The following RASGEF1C variants were observed in gnomAD, a reference collection of about 807,000 sequenced individuals.
The protein encoded by RASGEF1C is ras-GEF domain-containing family member 1C.
In RASGEF1C, 27 loss-of-function variants were observed where a neutral mutation model predicts 58.1. The ratio of observed to expected loss-of-function variants is 0.46; its 90% CI spans 0.34 to 0.64. The LOEUF is 0.64. Among genes scored for constraint, RASGEF1C ranks in the 30% least tolerant of loss-of-function variants. RASGEF1C has a pLI of 0.01. For synonymous variants in RASGEF1C, 243 were observed against 246.3 expected (o/e 0.99, Z 0.13); for missense variants, 502 against 605.1 (o/e 0.83, Z 1.79).
chr5:180,142,306 G>A (rs1561741931), intron 1 of RASGEF1C, among the ~76,000 whole-genome samples: 1 of 152,140 alleles, frequency 6.6e-6, no homozygotes, highest in Admixed American at 6.6e-5. Flanking sequence ...TTAATTAAAT[G>A]CCCAGTGCTG....
chr5:180,171,163 G>T (rs1206429598), intron 1 of RASGEF1C, among the ~76,000 whole-genome samples: 1 of 152,160 alleles, frequency 6.6e-6, no homozygotes, highest in East Asian at 1.9e-4. Flanking sequence ...ATCTTCAGGG[G>T]GAAGGAGCCA....
At chr5:180,166,347 G>A (rs1767020134) in intron 1 of RASGEF1C, among the ~76,000 whole-genome samples, 1 of 152,108 alleles carries the variant, frequency 6.6e-6, no homozygotes, top group African/African-American at 2.4e-5. Flanking sequence ...TACTGTCTCT[G>A]TTGCTCTTCC....
intron 5 of RASGEF1C, 68 bp from the exon 6 acceptor site, chr5:180,127,751 T>C: frequency 7.0e-7 from 1 of 1,426,546 alleles, no homozygotes. Flanking sequence ...CTGGGGGGCC[T>C]GCCGTGGTGC....
intron 4 of RASGEF1C, among the ~76,000 whole-genome samples, chr5:180,132,539 G>A (rs752816314): frequency 2.0e-5 from 3 of 152,226 alleles, no homozygotes; most frequent in Non-Finnish European, 2.9e-5. Flanking sequence ...GAAAGCCGAC[G>A]CAGGAGCTCG....
chr5:180,136,808 C>T (rs1323660359), intron 3 of RASGEF1C: 5 of 434,156 alleles, frequency 1.2e-5, no homozygotes, highest in African/African-American at 4.1e-5. Flanking sequence ...GAGCAGGGGA[C>T]CCTGCCCCAG....
At chr5:180,195,706 G>A (rs1756260612) in intron 1 of RASGEF1C, among the ~76,000 whole-genome samples, 2 of 150,372 alleles carry the variant, frequency 1.3e-5, no homozygotes, top group South Asian at 4.2e-4. Context: ...AGCTTGCAGT[G>A]AGCCGAGATC....
At chr5:180,195,571 G>A (rs996252885) in intron 1 of RASGEF1C, among the ~76,000 whole-genome samples, 3 of 151,700 alleles carry the variant, frequency 2.0e-5, no homozygotes, top group African/African-American at 4.8e-5. Flanking sequence ...CCAGCCTGGC[G>A]AACATGGTGA....
chr5:180,208,336 C>G (rs1561762327), intron 1 of RASGEF1C, among the ~76,000 whole-genome samples: 1 of 152,178 alleles, frequency 6.6e-6, no homozygotes, highest in Non-Finnish European at 1.5e-5. Flanking sequence ...CCAGCTCTGT[C>G]TTTCCCACAG....
chr5:180,147,675 T>C (rs1766677294), intron 1 of RASGEF1C, among the ~76,000 whole-genome samples: 1 of 152,332 alleles, frequency 6.6e-6, no homozygotes, highest in East Asian at 1.9e-4. Flanking sequence ...TCATATGATA[T>C]CTCTCTTTTA....
intron 1 of RASGEF1C, among the ~76,000 whole-genome samples, chr5:180,180,801 G>A (rs1158644193): frequency 6.6e-6 from 1 of 152,210 alleles, no homozygotes; most frequent in African/African-American, 2.4e-5. Flanking sequence ...TGAGATCTCC[G>A]AAGTGAACCA....
At chr5:180,139,789 G>A (rs1010532186) in intron 1 of RASGEF1C, among the ~76,000 whole-genome samples, 3 of 152,240 alleles carry the variant, frequency 2.0e-5, no homozygotes, top group South Asian at 2.1e-4. Flanking sequence ...GCTGCAGGGT[G>A]CACGCTGCTC....
At chr5:180,178,161 A>G (rs1410023034) in intron 1 of RASGEF1C, among the ~76,000 whole-genome samples, 2 of 138,734 alleles carry the variant, frequency 1.4e-5, no homozygotes, top group African/African-American at 5.4e-5. Flanking sequence ...TATTTTTAGT[A>G]GAGACAGGGT....
intron 1 of RASGEF1C, among the ~76,000 whole-genome samples, chr5:180,182,315 G>A (rs1230966212): frequency 6.7e-6 from 1 of 149,090 alleles, no homozygotes; most frequent in African/African-American, 2.5e-5. Context: ...CGGTGGGTTT[G>A]TGGTCTCGCT....
chr5:180,112,850 A>AAGGATGGACGGAGGGACCG (rs1270703987), intron 11 of RASGEF1C, among the ~76,000 whole-genome samples: 2 of 149,680 alleles, frequency 1.3e-5, no homozygotes, highest in African/African-American at 4.9e-5. Flanking sequence ...TGGAGGGACC[A>AAGGATGGACGGAGGGACCG]AGGATGGACG....
intron 1 of RASGEF1C, among the ~76,000 whole-genome samples, chr5:180,201,563 C>T (rs1016478123): frequency 4.6e-5 from 7 of 152,140 alleles, no homozygotes; most frequent in African/African-American, 1.7e-4. Flanking sequence ...CATACAAAGC[C>T]AGTATAAAGA....
chr5:180,165,910 C>T (rs1235943774), intron 1 of RASGEF1C, among the ~76,000 whole-genome samples: 2 of 151,354 alleles, frequency 1.3e-5, no homozygotes, highest in South Asian at 2.1e-4. Flanking sequence ...CCATGACACC[C>T]GGCTCATTTT....
intron 1 of RASGEF1C, among the ~76,000 whole-genome samples, chr5:180,208,221 C>A (rs1756524834): frequency 6.6e-6 from 1 of 152,130 alleles, no homozygotes. Flanking sequence ...GCAGAGCTTC[C>A]CAGGACTCTT....
At chr5:180,107,455 T>A (rs1192641787) in intron 12 of RASGEF1C, among the ~76,000 whole-genome samples, 1 of 152,212 alleles carries the variant, frequency 6.6e-6, no homozygotes, top group African/African-American at 2.4e-5. Flanking sequence ...GATTCTGGCT[T>A]GACAGTTCTT....
At chr5:180,114,671 G>GGGA (rs1220691173) in intron 10 of RASGEF1C, 130 bp from the exon 11 acceptor site, 7 of 763,972 alleles carry the variant, frequency 9.2e-6, no homozygotes, top group Non-Finnish European at 1.5e-5. Flanking sequence ...CAGAGGGCAG[G>GGGA]GGAGACTTCC....
Sources: allele counts gnomAD v4.1 joint callset (sites outside exome capture counted in the v4.1 genomes callset), GRCh38; gene constraint gnomAD v4.1.1; transcripts MANE v1.5; gene names NCBI Gene and HGNC (gene_info 2026-07-23, HGNC 2026-07-21).